The following PNKD variants were observed in gnomAD, a reference collection of about 807,000 sequenced individuals.
PNKD encodes the protein PNKD metallo-beta-lactamase domain containing.
Under a neutral mutation model 45.3 loss-of-function variants are expected in PNKD, and 36 were observed. That is an observed-to-expected ratio of 0.80 (90% CI 0.61 to 1.05). PNKD has a LOEUF of 1.05. PNKD is among the 50% of genes least tolerant of loss of function. The pLI is 0.00. For synonymous variants in PNKD, 197 were observed against 210.1 expected, an observed-to-expected ratio of 0.94 and a Z score of 0.54; for missense variants, 511 against 506.6, an observed-to-expected ratio of 1.01 and a Z score of -0.08.
intron 2 of PNKD, chr2:218,277,265 A>C: frequency 8.2e-7 from 1 of 1,226,914 alleles, no homozygotes; most frequent in Non-Finnish European, 1.2e-6. Flanking sequence ...GGATGAGGAG[A>C]AGGGGATCAG....
intron 2 of PNKD, among the ~76,000 whole-genome samples, chr2:218,293,517 C>T (rs1693049502): frequency 6.6e-6 from 1 of 150,762 alleles, no homozygotes; most frequent in African/African-American, 2.4e-5. Context: ...TTGACCAACT[C>T]TGTTTAAAGT....
At chr2:218,277,117 A>G in intron 2 of PNKD, 1 of 1,609,770 alleles carries the variant, frequency 6.2e-7, no homozygotes, top group South Asian at 1.1e-5. Context: ...GAAGCAAGAA[A>G]GAGGCACCTG....
chr2:218,318,779 C>A (rs1448502755), intron 2 of PNKD, among the ~76,000 whole-genome samples: 1 of 152,002 alleles, frequency 6.6e-6, no homozygotes, highest in South Asian at 2.1e-4. Context: ...AATAACATCA[C>A]ATTGTGAAAA....
intron 2 of PNKD, among the ~76,000 whole-genome samples, chr2:218,306,413 G>T (rs891100816): frequency 3.3e-5 from 5 of 152,230 alleles, no homozygotes; most frequent in African/African-American, 1.2e-4. Context: ...CACCAGGACA[G>T]ATGCTGATGT....
intron 2 of PNKD, among the ~76,000 whole-genome samples, chr2:218,305,739 G>A (rs1017697): frequency 0.07 from 10,607 of 152,104 alleles, 623 homozygotes; most frequent in African/African-American, 0.16. Flanking sequence ...CAAACCATTC[G>A]TTTCTGTTTG....
At chr2:218,281,614 C>T (rs1410353127) in intron 2 of PNKD, among the ~76,000 whole-genome samples, 1 of 152,174 alleles carries the variant, frequency 6.6e-6, no homozygotes, top group African/African-American at 2.4e-5. Flanking sequence ...GCTTGTTGGC[C>T]GCTTGTTGGG....
rs550697882 is a variant in PNKD, at chr2:218,271,620, C to T, written c.236+71C>T. 229 of 1,389,324 alleles carry T rather than the reference C, an allele frequency of 1.6e-4. No homozygotes were observed. The African/African-American group carries it at 3.0e-3, about 18-fold the overall frequency. The allele number at this position is 1,389,324 out of a possible 1,614,324, so 86.1% of individuals were successfully genotyped here. A position where few individuals can be genotyped will look rare whatever the true frequency, so the allele number is the denominator to read the frequency against. The stretch of plus-strand genomic sequence containing the variant: ...AGGGGAGGGCAGGACTTAGAAACTT[C>T]TCCAAGTTTCAGGTGGCGAGCTGAA... On this transcript the variant is annotated intron_variant, in intron 2 of 9. Coordinates refer to ENST00000273077, the MANE Select transcript of PNKD (RefSeq NM_015488.5).
chr2:218,293,927 TAA>T (rs56100300), intron 2 of PNKD, among the ~76,000 whole-genome samples: 2,798 of 118,868 alleles, frequency 0.024, 34 homozygotes, highest in African/African-American at 0.036. Context: ...AACAGAGATT[TAA>T]AAAAAAAAAA....
chr2:218,277,856 A>C, intron 2 of PNKD: 1 of 1,597,562 alleles, frequency 6.3e-7, no homozygotes, highest in South Asian at 1.1e-5. Context: ...CATCCTTCTG[A>C]AATGGGTCCC....
chr2:218,280,378 CCACTGGGGGTT>C (rs1691777342), intron 2 of PNKD: 2 of 429,764 alleles, frequency 4.7e-6, no homozygotes, highest in East Asian at 4.9e-5. Flanking sequence ...CCAGCCCACG[CCACTGGGGGTT>C]CACTGGGGGG....
chr2:218,296,135 G>C (rs913880751), intron 2 of PNKD, among the ~76,000 whole-genome samples: 1 of 152,092 alleles, frequency 6.6e-6, no homozygotes, highest in South Asian at 2.1e-4. Flanking sequence ...GGCATGAGCC[G>C]CTGCGCCCGG....
chr2:218,323,483 A>G, intron 2 of PNKD: 2 of 993,190 alleles, frequency 2.0e-6, no homozygotes, highest in African/African-American at 1.8e-5. Context: ...GCGCGCTGGG[A>G]GAGGGGACTG....
In PNKD at chr2:218,324,997, C is replaced by CTTT. The variant is rs1167758595; in HGVS notation, c.237-14760_237-14758dup. Among the ~76,000 whole-genome samples the CTTT allele has an allele frequency of 2.4e-3, 152 of 62,680 alleles. 44 individuals carry two copies. Among genetic ancestry groups the CTTT allele is most frequent in the African/African-American group, 9.3e-3 (139 of 14,886 alleles). 41.1% of individuals were successfully genotyped at this position (62,680 alleles called of 152,430 possible). A position where few individuals can be genotyped will look rare whatever the true frequency, so the allele number is the denominator to read the frequency against. On this transcript the variant is annotated intron_variant, in intron 2 of 9. Transcript: ENST00000273077. ...AACATGAAGGTATCTAAATAATTTTCTTTTTTTTTTTTTTTTTTTTTTTTT... is the reference window on the plus strand; with the variant it reads ...AACATGAAGGTATCTAAATAATTTTCTTTTTTTTTTTTTTTTTTTTTTTTTTTT...
At chr2:218,293,304 G>A (rs1233010657) in intron 2 of PNKD, among the ~76,000 whole-genome samples, 1 of 152,190 alleles carries the variant, frequency 6.6e-6, no homozygotes, top group African/African-American at 2.4e-5. Context: ...CTGGAGCCTG[G>A]GCATGGTGAC....
At chr2:218,330,406 G>T (rs765221866) in intron 2 of PNKD, among the ~76,000 whole-genome samples, 4 of 152,220 alleles carry the variant, frequency 2.6e-5, no homozygotes, top group Non-Finnish European at 5.9e-5. Context: ...ACTGTCCCCA[G>T]CTGTCCCACA....
intron 2 of PNKD, among the ~76,000 whole-genome samples, chr2:218,272,165 TAA>T (rs3834139): frequency 0.35 from 53,333 of 151,818 alleles, 9,769 homozygotes; most frequent in Middle Eastern, 0.5. Context: ...TTACTTAGCT[TAA>T]GAGGGGAAAA....
At chr2:218,320,021 T>C (rs1273523050) in intron 2 of PNKD, among the ~76,000 whole-genome samples, 1 of 152,164 alleles carries the variant, frequency 6.6e-6, no homozygotes, top group East Asian at 1.9e-4. Flanking sequence ...TTTGAGGAAG[T>C]GTGGCTGGTC....
In PNKD at chr2:218,271,321, A is replaced by C. The variant is rs1351075599; in HGVS notation, c.68-60A>C. Reference sequence around the variant, plus strand: ...TCCTCCCAAGCCCTTACTGCCCCCCACCTCCCCGCTTGCTTTCTTCTCATC... The same window carrying C: ...TCCTCCCAAGCCCTTACTGCCCCCCCCCTCCCCGCTTGCTTTCTTCTCATC... On this transcript the variant is annotated intron_variant, in intron 1 of 9. Coordinates refer to ENST00000273077, the MANE Select transcript of PNKD (RefSeq NM_015488.5). 6.2e-6 allele frequency: 9 copies of C among 1,459,948 alleles called. No individual in the cohort carries two copies. In the East Asian group the frequency reaches 1.1e-4, roughly 18 times the overall value. 90.4% of individuals were successfully genotyped at this position (1,459,948 alleles called of 1,614,324 possible). A position where few individuals can be genotyped will look rare whatever the true frequency, so the allele number is the denominator to read the frequency against.
At chr2:218,304,826 G>C (rs938909496) in intron 2 of PNKD, among the ~76,000 whole-genome samples, 2 of 151,962 alleles carry the variant, frequency 1.3e-5, no homozygotes, top group Non-Finnish European at 2.9e-5. Flanking sequence ...TGTAATCCCA[G>C]CACTTTGGGA....
Sources: allele counts gnomAD v4.1 joint callset (sites outside exome capture counted in the v4.1 genomes callset), GRCh38; gene constraint gnomAD v4.1.1; transcripts MANE v1.5; gene names NCBI Gene and HGNC (gene_info 2026-07-23, HGNC 2026-07-21).